The following CCDC170 variants were observed in gnomAD, a reference collection of about 807,000 sequenced individuals.
CCDC170 encodes coiled-coil domain containing 170.
CCDC170 carries 69 observed loss-of-function variants against 72.6 expected under a neutral mutation model. That is an observed-to-expected ratio of 0.95 (90% confidence interval 0.78 to 1.16). The LOEUF (loss-of-function observed/expected upper bound fraction) is 1.16, where lower values mean the gene tolerates loss of function less well. Among genes scored for constraint, CCDC170 ranks in the 50% most tolerant of loss-of-function variants. The pLI, the probability that CCDC170 is intolerant of heterozygous loss-of-function variation, is 0.00. For synonymous variants in CCDC170, 300 were observed against 303.9 expected, an observed-to-expected ratio of 0.99 and a Z score of 0.13; for missense variants, 852 against 832.5, an observed-to-expected ratio of 1.02 and a Z score of -0.29.
At chr6:151,603,099 C>T (rs866736451) in intron 9 of CCDC170, among the ~76,000 whole-genome samples, 2 of 152,152 alleles carry the variant, frequency 1.3e-5, no homozygotes, top group African/African-American at 4.8e-5. Flanking sequence ...ACATGCCCAG[C>T]TGGGTATTTC....
intron 8 of CCDC170, among the ~76,000 whole-genome samples, chr6:151,594,952 G>A (rs1434688842): frequency 1.3e-5 from 2 of 152,098 alleles, no homozygotes; most frequent in Non-Finnish European, 2.9e-5. Context: ...TGCCCAGCCT[G>A]GAGTGGAATT....
rs542262908 is a variant in CCDC170, at chr6:151,570,646, C to A, written c.775-2528C>A. On this transcript the variant is annotated intron_variant, in intron 5 of 10. Transcript: ENST00000239374. ...TTCATATCTTCCGGGGTCCTAGAACCAATTCCCCAAGGATACCAAGGAACG... is the reference window on the plus strand; with the variant it reads ...TTCATATCTTCCGGGGTCCTAGAACAAATTCCCCAAGGATACCAAGGAACG... Among the ~76,000 whole-genome samples, 196 of 152,196 alleles carry A rather than the reference C, an allele frequency of 1.3e-3. 1 individual carries two copies. Among genetic ancestry groups the A allele is most frequent in the Non-Finnish European group, 2.8e-4 (19 of 68,006 alleles).
At chr6:151,507,677 C>T (rs1340953138) in intron 1 of CCDC170, among the ~76,000 whole-genome samples, 2 of 151,968 alleles carry the variant, frequency 1.3e-5, no homozygotes, top group African/African-American at 4.8e-5. Context: ...AATCCCAGCA[C>T]TTTGGGAGGC....
At chr6:151,563,901 C>T (rs1393274700) in intron 5 of CCDC170, among the ~76,000 whole-genome samples, 4 of 152,178 alleles carry the variant, frequency 2.6e-5, no homozygotes, top group Non-Finnish European at 4.4e-5. Context: ...AGCTCAGCTT[C>T]TTTTTGTGGG....
At chr6:151,578,586 G>A (rs754590810) in intron 6 of CCDC170, among the ~76,000 whole-genome samples, 1 of 152,136 alleles carries the variant, frequency 6.6e-6, no homozygotes, top group Non-Finnish European at 1.5e-5. Context: ...CCAAAGAAAG[G>A]CACATTCTGA....
intron 7 of CCDC170, among the ~76,000 whole-genome samples, chr6:151,589,190 G>A (rs546501751): frequency 6.6e-6 from 1 of 152,242 alleles, no homozygotes; most frequent in East Asian, 1.9e-4. Context: ...GAGAGGCAGA[G>A]GTTGCAGTGA....
At chr6:151,589,692 G>C (rs570503851) in intron 7 of CCDC170, among the ~76,000 whole-genome samples, 117 of 152,228 alleles carry the variant, frequency 7.7e-4, no homozygotes, top group Admixed American at 2.0e-3. Context: ...TCTCTTCATT[G>C]CTGCCAGGGA....
chr6:151,506,379 C>T (rs1018642807), intron 1 of CCDC170, among the ~76,000 whole-genome samples: 2 of 152,160 alleles, frequency 1.3e-5, no homozygotes, highest in Non-Finnish European at 2.9e-5. Context: ...GTCTGGTTCA[C>T]GATTTTAAAC....
intron 1 of CCDC170, among the ~76,000 whole-genome samples, chr6:151,526,048 T>C (rs988584785): frequency 5.3e-5 from 8 of 152,082 alleles, no homozygotes; most frequent in African/African-American, 1.9e-4. Context: ...AAAGCAATCA[T>C]TGCTTCCAGA....
At chr6:151,537,899 A>G (rs559116729) in intron 2 of CCDC170, 146 bp from the exon 3 acceptor site, 283 of 785,228 alleles carry the variant, frequency 3.6e-4, no homozygotes, top group Non-Finnish European at 4.1e-4. Context: ...TTGGTAATAC[A>G]GATACAAATA....
In CCDC170 at chr6:151,573,193, A is replaced by G. The variant is rs781497884; in HGVS notation, c.794A>G (p.Glu265Gly). ...TTTTAGGACCTGCTCAGTGCTGTAG[A>G]AGCAAAAGAAGCTCTTGAAAGGGAA... Reference protein sequence around the residue: ...KLNQDLLSAVEAKEALEREVK... With the variant: ...KLNQDLLSAVGAKEALEREVK... Residue 265 changes from glutamate to glycine, a missense_variant, in exon 6 of 11, where the codon GAA becomes GGA. Transcript: ENST00000239374. 1 of 1,613,580 alleles carries G rather than the reference A, an allele frequency of 6.2e-7. No individual in the cohort carries two copies. The highest frequency in any genetic ancestry group is 2.2e-5 in the East Asian group (1 of 44,872).
intron 1 of CCDC170, 32 bp downstream of exon 1, chr6:151,494,217 G>A (rs985318494): frequency 1.3e-6 from 2 of 1,490,840 alleles, no homozygotes; most frequent in African/African-American, 2.9e-5. Context: ...GCGCGCGGGG[G>A]TGGCCCTGGG....
intron 1 of CCDC170, among the ~76,000 whole-genome samples, chr6:151,505,171 C>T (rs766078261): frequency 6.6e-5 from 10 of 152,192 alleles, no homozygotes; most frequent in Middle Eastern, 3.4e-3. Context: ...CTGTGCTGCC[C>T]GCAGACCTTC....
chr6:151,546,637 C>T (rs893306706), intron 4 of CCDC170, among the ~76,000 whole-genome samples: 3 of 152,120 alleles, frequency 2.0e-5, no homozygotes, highest in Admixed American at 1.3e-4. Context: ...CCAGACAGCT[C>T]GGGTCAGCCC....
intron 9 of CCDC170, among the ~76,000 whole-genome samples, chr6:151,601,393 G>C (rs1012894285): frequency 3.9e-5 from 6 of 152,086 alleles, no homozygotes; most frequent in African/African-American, 1.4e-4. Flanking sequence ...TACTTAGTAT[G>C]AGTATACTTA....
intron 6 of CCDC170, among the ~76,000 whole-genome samples, chr6:151,580,907 T>C (rs976550552): frequency 1.3e-5 from 2 of 152,166 alleles, no homozygotes; most frequent in African/African-American, 4.8e-5. Flanking sequence ...CATATAAAAG[T>C]TATGTTTATA....
chr6:151,583,138 G>A (rs535330150), intron 6 of CCDC170, among the ~76,000 whole-genome samples: 25 of 150,174 alleles, frequency 1.7e-4, no homozygotes, highest in East Asian at 1.6e-3. Flanking sequence ...GACTACAGGC[G>A]CCTGCCACCA....
chr6:151,569,181 G>T lies in CCDC170; in HGVS notation c.775-3993G>T, dbSNP rs146126791. ...TGAAGGAATTAAGCTCAAGCCACAG[G>T]TTCTCTGTCCTGATGATAATCATTG... is the stretch of plus-strand genomic sequence containing the variant. On this transcript the variant is annotated intron_variant, in intron 5 of 10. Transcript: ENST00000239374. 4.9e-4 allele frequency among the ~76,000 whole-genome samples: 74 copies of T among 152,152 alleles called. 1 individual carries two copies. In the East Asian group the frequency reaches 0.01, roughly 22 times the overall value.
chr6:151,611,770 G>T (rs549111509), intron 9 of CCDC170, among the ~76,000 whole-genome samples: 2 of 152,120 alleles, frequency 1.3e-5, no homozygotes, highest in African/African-American at 4.8e-5. Flanking sequence ...GGAGTGAATG[G>T]TGTGGTCTCT....
Sources: allele counts gnomAD v4.1 joint callset (sites outside exome capture counted in the v4.1 genomes callset), GRCh38; gene constraint gnomAD v4.1.1; transcripts MANE v1.5; gene names NCBI Gene and HGNC (gene_info 2026-07-23, HGNC 2026-07-21).